FHIT: variants seen among roughly 807,000 people sequenced by gnomAD.
FHIT encodes the protein fragile histidine triad diadenosine triphosphatase, also known as bis(5'-adenosyl)-triphosphatase.
FHIT carries 19 observed loss-of-function variants against 17.9 expected under a neutral mutation model. The observed-to-expected ratio is 1.06, with a 90% CI of 0.74 to 1.56. FHIT has a LOEUF of 1.56. Ranked by LOEUF, FHIT falls within the 40% of genes most tolerant of loss-of-function variation. The probability of loss-of-function intolerance (pLI) is 0.00; values close to 1 mark genes in which losing one functional copy is unlikely to be tolerated. For synonymous variants in FHIT, 81 were observed against 69.7 expected, an observed-to-expected ratio of 1.16 and a Z score of -0.81; for missense variants, 248 against 189.2, an observed-to-expected ratio of 1.31 and a Z score of -1.82.
chr3:59,809,850 C>T lies in FHIT; in HGVS notation c.349-57529G>A, dbSNP rs567779326. 7.2e-5 allele frequency among the ~76,000 whole-genome samples: 11 copies of T among 152,272 alleles called. No homozygotes were observed. The South Asian group carries it at 1.0e-3, about 14-fold the overall frequency. Reference sequence around the variant, plus strand: ...CTCACATTGTTCCTCCTTTGTTCCCCGCTCTCCTTTTCCAGGCTGAGAGAC... The same window carrying T: ...CTCACATTGTTCCTCCTTTGTTCCCTGCTCTCCTTTTCCAGGCTGAGAGAC... On this transcript the variant is annotated intron_variant, in intron 8 of 9. Transcript: ENST00000492590.
chr3:59,791,676 T>C (rs1699568224), intron 8 of FHIT, among the ~76,000 whole-genome samples: 1 of 152,130 alleles, frequency 6.6e-6, no homozygotes, highest in Non-Finnish European at 1.5e-5. Context: ...GTATTCCCAA[T>C]GCTGAGTATA....
At chr3:61,071,353 T>C (rs1300331138) in intron 2 of FHIT, among the ~76,000 whole-genome samples, 1 of 152,192 alleles carries the variant, frequency 6.6e-6, no homozygotes, top group African/African-American at 2.4e-5. Flanking sequence ...GCTTTGAATG[T>C]TCACAATTTT....
intron 4 of FHIT, among the ~76,000 whole-genome samples, chr3:60,722,611 C>A (rs1250689920): frequency 3.9e-5 from 6 of 152,060 alleles, no homozygotes; most frequent in African/African-American, 1.4e-4. Context: ...CTAGTAGCAT[C>A]CCCCACCCCC....
chr3:60,053,186 A>T (rs1184643703), intron 5 of FHIT, among the ~76,000 whole-genome samples: 1 of 151,744 alleles, frequency 6.6e-6, no homozygotes, highest in Non-Finnish European at 1.5e-5. Flanking sequence ...TTCAAATACC[A>T]GTTTAGATGT....
chr3:60,581,247 T>C (rs1444609956), intron 4 of FHIT, among the ~76,000 whole-genome samples: 1 of 152,056 alleles, frequency 6.6e-6, no homozygotes, highest in Admixed American at 6.6e-5. Flanking sequence ...TAGTTAGAAG[T>C]TTTCAGGTAA....
At chr3:60,068,170 G>C (rs964190657) in intron 5 of FHIT, among the ~76,000 whole-genome samples, 3 of 152,290 alleles carry the variant, frequency 2.0e-5, no homozygotes, top group Admixed American at 6.5e-5. Context: ...AGGAGGCAGA[G>C]GTTGCAGTGA....
chr3:59,965,245 T>C (rs555594499), intron 7 of FHIT, among the ~76,000 whole-genome samples: 1 of 152,222 alleles, frequency 6.6e-6, no homozygotes, highest in African/African-American at 2.4e-5. Context: ...TGAAGTATGA[T>C]ATATGGATGG....
At chr3:60,095,746 A>G (rs890030508) in intron 5 of FHIT, among the ~76,000 whole-genome samples, 1 of 152,224 alleles carries the variant, frequency 6.6e-6, no homozygotes, top group Admixed American at 6.5e-5. Flanking sequence ...AGAAAAGGCA[A>G]AACAACAGCC....
At chr3:61,061,220 C>G (rs2034417599) in intron 2 of FHIT, among the ~76,000 whole-genome samples, 1 of 148,960 alleles carries the variant, frequency 6.7e-6, no homozygotes, top group African/African-American at 2.6e-5. Context: ...AAACATTTTC[C>G]CCCCTCCTTT....
rs922991973 is a variant in FHIT, at chr3:60,078,005, G to A, written c.104-63853C>T. Reference sequence around the variant, plus strand: ...AAATTTATTTTTAAAAAAATGGGAGGTGGGGGAGAAAAGCCCTTCCTTACA... The same window carrying A: ...AAATTTATTTTTAAAAAAATGGGAGATGGGGGAGAAAAGCCCTTCCTTACA... On this transcript the variant is annotated intron_variant, in intron 5 of 9. Coordinates refer to ENST00000492590, the MANE Select transcript of FHIT (RefSeq NM_002012.4). 3.9e-5 allele frequency among the ~76,000 whole-genome samples: 6 copies of A among 152,080 alleles called. No homozygotes were observed. The South Asian group carries it at 1.2e-3, about 32-fold the overall frequency.
chr3:61,175,962 G>A (rs1023447128), intron 2 of FHIT, among the ~76,000 whole-genome samples: 1 of 152,360 alleles, frequency 6.6e-6, no homozygotes, highest in African/African-American at 2.4e-5. Context: ...ACATGCCTTG[G>A]AAGTAGACAG....
intron 3 of FHIT, among the ~76,000 whole-genome samples, chr3:60,860,356 C>CATGAGATACATCATATGTATAT (rs1703645620): frequency 7.2e-6 from 1 of 138,526 alleles, no homozygotes; most frequent in African/African-American, 3.2e-5. Flanking sequence ...CATATGTATA[C>CATGAGATACATCATATGTATAT]ATGACATACA....
intron 2 of FHIT, among the ~76,000 whole-genome samples, chr3:61,042,821 C>A (rs1367738836): frequency 1.4e-5 from 2 of 145,410 alleles, no homozygotes; most frequent in South Asian, 2.2e-4. Flanking sequence ...GCCTGGGTGA[C>A]AAAGTGAGCA....
At chr3:60,691,844 G>A (rs1451246344) in intron 4 of FHIT, among the ~76,000 whole-genome samples, 1 of 151,996 alleles carries the variant, frequency 6.6e-6, no homozygotes, top group Non-Finnish European at 1.5e-5. Flanking sequence ...TGATGCTGTT[G>A]AGGATGACAA....
chr3:59,881,860 A>C (rs1408045645), intron 8 of FHIT, among the ~76,000 whole-genome samples: 1 of 152,312 alleles, frequency 6.6e-6, no homozygotes, highest in Non-Finnish European at 1.5e-5. Context: ...ACCTGTCCCC[A>C]TATCATTTCT....
chr3:60,594,286 C>T (rs944375891), intron 4 of FHIT, among the ~76,000 whole-genome samples: 1 of 152,090 alleles, frequency 6.6e-6, no homozygotes, highest in Admixed American at 6.6e-5. Context: ...TACACACATA[C>T]AGCGAACACA....
chr3:60,724,640 ACTGT>A (rs1199225075), intron 4 of FHIT, among the ~76,000 whole-genome samples: 1 of 149,296 alleles, frequency 6.7e-6, no homozygotes, highest in Non-Finnish European at 1.5e-5. Context: ...GTTACTATTA[ACTGT>A]CTGTTTTTTT....
chr3:60,301,499 G>A (rs748119603), intron 5 of FHIT, among the ~76,000 whole-genome samples: 19 of 152,072 alleles, frequency 1.2e-4, no homozygotes, highest in Non-Finnish European at 4.4e-5. Flanking sequence ...TCTAGAAACT[G>A]CCTAGTTGAT....
intron 3 of FHIT, among the ~76,000 whole-genome samples, chr3:60,961,733 T>G (rs190139406): frequency 7.2e-5 from 11 of 152,250 alleles, no homozygotes; most frequent in African/African-American, 1.7e-4. Context: ...AAGATCAGAT[T>G]GTTGTCGATG....
Sources: allele counts gnomAD v4.1 joint callset (sites outside exome capture counted in the v4.1 genomes callset), GRCh38; gene constraint gnomAD v4.1.1; transcripts MANE v1.5; gene names NCBI Gene and HGNC (gene_info 2026-07-23, HGNC 2026-07-21).